Variants in KLF15 observed in about 807,000 individuals in gnomAD.
The protein encoded by KLF15 is Krueppel-like factor 15.
Under a neutral mutation model 24.6 loss-of-function variants are expected in KLF15, and 4 were observed. The observed-to-expected ratio is 0.16, with a 90% CI of 0.08 to 0.37. The LOEUF is 0.37. Ranked by LOEUF, KLF15 falls within the 10% of genes least tolerant of loss-of-function variation. The probability of loss-of-function intolerance (pLI) is 1.00; values close to 1 mark genes in which losing one functional copy is unlikely to be tolerated. For synonymous variants in KLF15, 246 were observed against 236.3 expected (o/e 1.04, Z -0.37); for missense variants, 496 against 560.6 (o/e 0.88, Z 1.16).
chr3:126,310,971 C>A, the KLF15 span, among the ~76,000 whole-genome samples: 1 of 152,114 alleles, frequency 6.6e-6, no homozygotes, highest in South Asian at 2.1e-4. Context: ...TTGTCCATCG[C>A]CACCGCGGCC....
chr3:126,337,674 A>C (rs2082448757), downstream of KLF15, among the ~76,000 whole-genome samples: 2 of 152,216 alleles, frequency 1.3e-5, no homozygotes, highest in South Asian at 4.2e-4. Flanking sequence ...GATATACTCA[A>C]GTAACAATGG....
Position 126,343,039 on chromosome 3 carries a change from C to T in KLF15, c.*688G>A, listed in dbSNP as rs917607073. 1 of 151,350 alleles carries T rather than the reference C, an allele frequency of 6.6e-6. No homozygotes were observed. The highest frequency in any genetic ancestry group is 2.4e-5 in the African/African-American group (1 of 41,092). The allele number at this position is 151,350 out of a possible 1,614,324, so 9.4% of individuals were successfully genotyped here. ...GAGGGGACGAGCCCCTGGGTACAGG[C>T]CCTTCTGGCTCTGTCTGCCCTGCAC... On this transcript the variant is annotated 3_prime_UTR_variant, in exon 3 of 3. Transcript: ENST00000296233.
chr3:126,350,369 G>C (rs1023912108), intron 2 of KLF15, among the ~76,000 whole-genome samples: 2 of 152,162 alleles, frequency 1.3e-5, no homozygotes, highest in African/African-American at 4.8e-5. Context: ...AAGCCTCTCC[G>C]GTCTGTCTGA....
the KLF15 span, among the ~76,000 whole-genome samples, chr3:126,331,896 C>A: frequency 2.7e-4 from 41 of 152,332 alleles, no homozygotes; most frequent in East Asian, 7.0e-3. Flanking sequence ...GAGATTATAT[C>A]CCACACCTGG....
chr3:126,345,457 C>A (rs1337967660), intron 2 of KLF15, among the ~76,000 whole-genome samples: 3 of 152,026 alleles, frequency 2.0e-5, no homozygotes, highest in Non-Finnish European at 4.4e-5. Flanking sequence ...TGTCAAGGAG[C>A]AGTCCCAAAG....
intron 1 of KLF15, 116 bp from the exon 2 acceptor site, chr3:126,353,063 G>GGATCCTGCTT (rs1203599158): frequency 4.2e-6 from 5 of 1,202,100 alleles, no homozygotes; most frequent in Non-Finnish European, 5.6e-6. Flanking sequence ...CCAAACGCCT[G>GGATCCTGCTT]GATCCTGCTT....
chr3:126,334,408 G>C, the KLF15 span, among the ~76,000 whole-genome samples: 314 of 133,410 alleles, frequency 2.4e-3, no homozygotes, highest in African/African-American at 8.5e-3. Context: ...GAATCTCTGG[G>C]ATGCATTCAA....
At chr3:126,310,515 AC>A in the KLF15 span, among the ~76,000 whole-genome samples, 1 of 152,154 alleles carries the variant, frequency 6.6e-6, no homozygotes, top group Non-Finnish European at 1.5e-5. Context: ...TGCTTAGGCT[AC>A]CATAGCAAAA....
chr3:126,294,943 G>T, the KLF15 span, among the ~76,000 whole-genome samples: 1 of 150,470 alleles, frequency 6.6e-6, no homozygotes, highest in East Asian at 2.0e-4. Context: ...GTCCATGCAT[G>T]CATAGATACA....
chr3:126,295,962 G>A, the KLF15 span, among the ~76,000 whole-genome samples: 1 of 152,112 alleles, frequency 6.6e-6, no homozygotes, highest in Non-Finnish European at 1.5e-5. Context: ...TGTAAATTCC[G>A]ACTTGTCTGT....
rs775026947 is a variant in KLF15, at chr3:126,352,616, C to T, written c.307G>A (p.Val103Met). The change falls in exon 2 of 3, where the codon GTG (valine) becomes ATG (methionine). Residue 103 changes from valine (V) to methionine (M), a missense_variant. Val to Met is a conservative substitution (Grantham distance 21, BLOSUM62 1). Around this residue, in one of 3 missense-constraint regions of KLF15, gnomAD observed 399 missense variants for 423.1 expected, o/e 0.94. Transcript: ENST00000296233. ...GSSIGASSGP[V>M]AWGPWRRAAA... ...GCCCTTCGCCAGGGCCCCCAGGCCA[C>T]GGGGCCACTGCTGGCCCCAATGCTA... 23 of 1,606,688 alleles carry T rather than the reference C, an allele frequency of 1.4e-5. No homozygotes were observed. In the African/African-American group the frequency reaches 1.5e-4, roughly 10 times the overall value.
At chr3:126,292,887 A>G in the KLF15 span, among the ~76,000 whole-genome samples, 1 of 152,078 alleles carries the variant, frequency 6.6e-6, no homozygotes. Flanking sequence ...AATCTGATGG[A>G]GGTTTAAAAG....
At chr3:126,310,197 A>G in the KLF15 span, among the ~76,000 whole-genome samples, 1 of 152,158 alleles carries the variant, frequency 6.6e-6, no homozygotes, top group Admixed American at 6.5e-5. Flanking sequence ...TAAAGGCCTC[A>G]CCTCTTAACA....
At chr3:126,311,484 A>G in the KLF15 span, among the ~76,000 whole-genome samples, 2 of 152,098 alleles carry the variant, frequency 1.3e-5, no homozygotes, top group Non-Finnish European at 2.9e-5. Flanking sequence ...CATCAGTCCA[A>G]CCCGGAGGTG....
At chr3:126,323,735 T>C in the KLF15 span, among the ~76,000 whole-genome samples, 2 of 121,944 alleles carry the variant, frequency 1.6e-5, no homozygotes, top group Non-Finnish European at 3.3e-5. Context: ...CTCCCACTTA[T>C]GAGTGAGAAC....
At chr3:126,310,249 A>C in the KLF15 span, among the ~76,000 whole-genome samples, 9 of 152,366 alleles carry the variant, frequency 5.9e-5, no homozygotes, top group Admixed American at 5.9e-4. Context: ...CTCACATTTA[A>C]ACCATAGCAA....
chr3:126,308,987 G>A, the KLF15 span, among the ~76,000 whole-genome samples: 1 of 152,208 alleles, frequency 6.6e-6, no homozygotes, highest in Non-Finnish European at 1.5e-5. Flanking sequence ...CATGTGGAAA[G>A]GGGAGAGAGA....
rs1352624236 is a variant in KLF15 at position 126,352,632 on chromosome 3, C to A, written c.291G>T (p.Gly97=). Residue 97 remains glycine (G), a synonymous_variant, in exon 2 of 3, where the codon GGG becomes GGT. Transcript: ENST00000296233. Reference sequence around the variant, plus strand: ...CCCAGGCCACGGGGCCACTGCTGGCCCCAATGCTACTGCCGCTGCCCCCGC... The same window carrying A: ...CCCAGGCCACGGGGCCACTGCTGGCACCAATGCTACTGCCGCTGCCCCCGC... The part of the protein sequence containing the change: ...GSGGGSGSSI[G]ASSGPVAWGP... 3 of 1,598,458 alleles carry A rather than the reference C, an allele frequency of 1.9e-6. No individual in the cohort carries two copies. In the Admixed American group the frequency reaches 5.2e-5, roughly 28 times the overall value.
At chr3:126,355,583 C>A (rs1354570015) in intron 1 of KLF15, among the ~76,000 whole-genome samples, 1 of 152,256 alleles carries the variant, frequency 6.6e-6, no homozygotes, top group Admixed American at 6.5e-5. Context: ...GCAGTTTCTA[C>A]TGTGGGAAAC....
Sources: gnomAD v4.1 joint callset for allele counts (sites outside exome capture counted in the v4.1 genomes callset) on GRCh38, gnomAD v4.1.1 for gene constraint, gnomAD v4.1.1 regional missense constraint, MANE v1.5 for transcripts, NCBI Gene and HGNC (gene_info 2026-07-23, HGNC 2026-07-21) for gene names.